The following SLC16A12 variants were observed in gnomAD, a reference collection of about 807,000 sequenced individuals.
SLC16A12 encodes the protein solute carrier family 16 member 12, also known as monocarboxylate transporter 12.
SLC16A12 carries 17 observed loss-of-function variants against 42.4 expected under a neutral mutation model. The ratio of observed to expected loss-of-function variants is 0.40; its 90% CI spans 0.27 to 0.60. The LOEUF is 0.60. Among genes scored for constraint, SLC16A12 ranks in the 20% least tolerant of loss-of-function variants. The pLI is 0.42. For missense variants in SLC16A12, 544 were observed against 623.0 expected, an observed-to-expected ratio of 0.87 and a Z score of 1.35; for synonymous variants, 224 against 229.4, an observed-to-expected ratio of 0.98 and a Z score of 0.21.
At chr10:89,506,834 G>A (rs1843069958) in intron 2 of SLC16A12, among the ~76,000 whole-genome samples, 1 of 152,014 alleles carries the variant, frequency 6.6e-6, no homozygotes, top group Non-Finnish European at 1.5e-5. Context: ...CTTGAAAAAA[G>A]GTTGGACGAA....
chr10:89,467,220 G>A (rs897792646), intron 2 of SLC16A12, among the ~76,000 whole-genome samples: 4 of 152,176 alleles, frequency 2.6e-5, no homozygotes, highest in African/African-American at 9.7e-5. Flanking sequence ...CCGGCATAAG[G>A]ACCATCCTTA....
At position 89,496,566 on chromosome 10, in the gene SLC16A12, T is replaced by A. The variant is rs576585417; in HGVS notation, c.-46-33942A>T. 3.9e-5 allele frequency among the ~76,000 whole-genome samples: 6 copies of A among 152,198 alleles called. No homozygotes were observed. The South Asian group carries it at 1.0e-3, about 26-fold the overall frequency. On this transcript the variant is annotated intron_variant, in intron 2 of 7. Transcript: ENST00000371790. ...TAAAAACATTTCCCACATTTGAGCG[T>A]CCAATGAAATTACTGAAAAAACTCA...
intron 2 of SLC16A12, among the ~76,000 whole-genome samples, chr10:89,501,590 A>C (rs1842991414): frequency 6.6e-6 from 1 of 152,192 alleles, no homozygotes; most frequent in Non-Finnish European, 1.5e-5. Flanking sequence ...ATCTATACTA[A>C]AAATACAAAA....
chr10:89,535,901 C>G (rs1025650062), upstream of SLC16A12, among the ~76,000 whole-genome samples: 1 of 152,236 alleles, frequency 6.6e-6, no homozygotes, highest in Non-Finnish European at 1.5e-5. Flanking sequence ...CGCGGAAAAT[C>G]CCAGTGCTCG....
At position 89,461,503 on chromosome 10, in the gene SLC16A12, A is replaced by G. The variant is rs375306494; in HGVS notation, c.200+876T>C. 1.1e-4 allele frequency among the ~76,000 whole-genome samples: 16 copies of G among 152,304 alleles called. No homozygotes were observed. In the South Asian group the frequency reaches 1.2e-3, roughly 12 times the overall value. On this transcript the variant is annotated intron_variant, in intron 3 of 7. Coordinates refer to ENST00000371790, the MANE Select transcript of SLC16A12 (RefSeq NM_213606.4). ...TTAACTCTGTGTGATACATTCACAC[A>G]TCCAATGTAAACTTTATAATCATAC...
chr10:89,487,995 TAC>T (rs1554829904), intron 2 of SLC16A12, among the ~76,000 whole-genome samples: 133 of 122,974 alleles, frequency 1.1e-3, no homozygotes, highest in Middle Eastern at 4.2e-3. Context: ...TATATATATA[TAC>T]ACACACACAT....
chr10:89,524,966 C>T (rs912155821), intron 2 of SLC16A12, among the ~76,000 whole-genome samples: 5 of 152,052 alleles, frequency 3.3e-5, no homozygotes, highest in Admixed American at 6.6e-5. Context: ...ACCTGTAATC[C>T]CAGCACTTTG....
chr10:89,538,187 A>G (rs1358911107), upstream of SLC16A12, among the ~76,000 whole-genome samples: 4 of 152,266 alleles, frequency 2.6e-5, no homozygotes, highest in African/African-American at 9.6e-5. Flanking sequence ...ATCGCTGTGC[A>G]GAAGAAAAGC....
intron 3 of SLC16A12, among the ~76,000 whole-genome samples, chr10:89,461,893 C>T (rs1842306303): frequency 6.6e-6 from 1 of 152,132 alleles, no homozygotes; most frequent in Admixed American, 6.5e-5. Context: ...TGCTATTTCA[C>T]ATGTGATGAG....
At chr10:89,548,416 T>C (rs1184515311) in intron 2 of SLC16A12, among the ~76,000 whole-genome samples, 1 of 152,142 alleles carries the variant, frequency 6.6e-6, no homozygotes, top group Non-Finnish European at 1.5e-5. Context: ...GTTAGAGGTA[T>C]GCTTTGAAAA....
chr10:89,526,346 C>T (rs1174498270), intron 2 of SLC16A12, among the ~76,000 whole-genome samples: 2 of 152,236 alleles, frequency 1.3e-5, no homozygotes, highest in Non-Finnish European at 2.9e-5. Context: ...TCTAGAAACA[C>T]TCTCCTGGGG....
chr10:89,552,959 C>G lies in SLC16A12; in HGVS notation c.-47+2923G>C, dbSNP rs566601962. 1.1e-3 allele frequency among the ~76,000 whole-genome samples: 175 copies of G among 152,258 alleles called. 1 individual carries two copies. The highest frequency in any genetic ancestry group is 4.1e-3 in the African/African-American group (169 of 41,546). ...AATGCATTGGACTCAGAATTTGAAG[C>G]CCCAGCTGAATTCTCTTGAATGTAC... On this transcript the variant is annotated intron_variant, in intron 2 of 2. Coordinates refer to the SLC16A12 transcript ENST00000475682.
chr10:89,499,384 G>A (rs760044997), intron 2 of SLC16A12, among the ~76,000 whole-genome samples: 9 of 152,156 alleles, frequency 5.9e-5, no homozygotes, highest in Middle Eastern at 3.4e-3. Context: ...GAGAACGCTC[G>A]TCTCTACTAA....
At position 89,534,556 on chromosome 10, in the gene SLC16A12, C is replaced by A. The variant is rs1843616299; in HGVS notation, c.-102G>T. 6.7e-6 allele frequency: 1 copy of A among 148,820 alleles called. No individual in the cohort carries two copies. The highest frequency in any genetic ancestry group is 1.5e-5 in the Non-Finnish European group (1 of 67,750). 9.2% of individuals were successfully genotyped at this position (148,820 alleles called of 1,614,324 possible). A position where few individuals can be genotyped will look rare whatever the true frequency, so the allele number is the denominator to read the frequency against. On this transcript the variant is annotated 5_prime_UTR_variant, in exon 2 of 8. An upstream open reading frame in the 5' UTR gains an earlier in-frame stop. Transcript: ENST00000371790. ...GGCACGGTGGCTCACGCCTGTAATC[C>A]CATCACTTTGGGAGGCTAAAGCGGG... is the stretch of plus-strand genomic sequence containing the variant.
intron 2 of SLC16A12, among the ~76,000 whole-genome samples, chr10:89,487,964 GTATA>G (rs147234370): frequency 0.068 from 8,656 of 126,460 alleles, 802 homozygotes; most frequent in African/African-American, 0.22. Context: ...TGGTGTGTGT[GTATA>G]TATATATATA....
rs186011024 is a variant in SLC16A12 at position 89,450,109 on chromosome 10, A to G, written c.201-6250T>C. On this transcript the variant is annotated intron_variant, in intron 3 of 7. Transcript: ENST00000371790. ...GGCCATCATTAAAAAGTCAGGAAAC[A>G]ACAGGTGCTGGAGAGGATGTGGAGA... Among the ~76,000 whole-genome samples, 432 of 152,348 alleles carry G rather than the reference A, an allele frequency of 2.8e-3. 2 individuals carry two copies. Among genetic ancestry groups the G allele is most frequent in the African/African-American group, 9.5e-3 (396 of 41,584 alleles).
intron 2 of SLC16A12, among the ~76,000 whole-genome samples, chr10:89,511,814 A>G (rs1409642943): frequency 6.6e-6 from 1 of 152,190 alleles, no homozygotes; most frequent in Non-Finnish European, 1.5e-5. Flanking sequence ...TTTCAGATAT[A>G]TACCCAAAAG....
chr10:89,550,248 C>G (rs975483441), intron 2 of SLC16A12, among the ~76,000 whole-genome samples: 3 of 152,144 alleles, frequency 2.0e-5, no homozygotes, highest in Non-Finnish European at 2.9e-5. Context: ...TAAATTAGCA[C>G]GGTGGCTCAC....
At chr10:89,510,245 A>G (rs1843142651) in intron 2 of SLC16A12, among the ~76,000 whole-genome samples, 1 of 152,214 alleles carries the variant, frequency 6.6e-6, no homozygotes, top group Non-Finnish European at 1.5e-5. Flanking sequence ...TTTAAATTGC[A>G]TATGGAACCA....
Sources: allele counts gnomAD v4.1 joint callset (sites outside exome capture counted in the v4.1 genomes callset), GRCh38; gene constraint gnomAD v4.1.1; transcripts MANE v1.5; gene names NCBI Gene and HGNC (gene_info 2026-07-23, HGNC 2026-07-21).